Variants in DUSP16 observed in about 807,000 individuals in gnomAD.
The protein encoded by DUSP16 is dual specificity protein phosphatase 16.
Under a neutral mutation model 58.3 loss-of-function variants are expected in DUSP16, and 21 were observed. The ratio of observed to expected loss-of-function variants is 0.36; its 90% CI spans 0.26 to 0.52. The LOEUF (loss-of-function observed/expected upper bound fraction) is 0.52. Among genes scored for constraint, DUSP16 ranks in the 20% least tolerant of loss-of-function variants. DUSP16 has a pLI of 0.94. For missense variants in DUSP16, 726 were observed against 819.0 expected, an observed-to-expected ratio of 0.89 and a Z score of 1.39; for synonymous variants, 320 against 323.8, an observed-to-expected ratio of 0.99 and a Z score of 0.12.
intron 1 of DUSP16, among the ~76,000 whole-genome samples, chr12:12,532,710 G>A (rs1218112869): frequency 6.6e-6 from 1 of 152,120 alleles, no homozygotes; most frequent in Admixed American, 6.5e-5. Context: ...CACTTTGGGA[G>A]GCCAAGGCGG....
At chr12:12,541,617 A>G (rs1592205850) in intron 1 of DUSP16, among the ~76,000 whole-genome samples, 1 of 152,366 alleles carries the variant, frequency 6.6e-6, no homozygotes, top group East Asian at 1.9e-4. Flanking sequence ...TTCAGCTGAC[A>G]GCCCACTTCA....
At position 12,500,802 on chromosome 12, in the gene DUSP16, T is replaced by C. The variant is rs895785411; in HGVS notation, c.368-120A>G. On this transcript the variant is annotated intron_variant, in intron 3 of 6. Transcript: ENST00000298573. ...ATCCAAGTGGATATCACTGCACACC[T>C]ATTCCTGGCTACAGCTGCTGATGCT... 2.3e-6 allele frequency: 2 copies of C among 860,280 alleles called. 1 individual carries two copies. Among genetic ancestry groups the C allele is most frequent in the South Asian group, 5.1e-5 (2 of 39,456 alleles). 53.3% of individuals were successfully genotyped at this position (860,280 alleles called of 1,614,324 possible). A position where few individuals can be genotyped will look rare whatever the true frequency, so the allele number is the denominator to read the frequency against.
At position 12,520,018 on chromosome 12, in the gene DUSP16, G is replaced by T; in HGVS notation, c.229-18C>A. The T allele has an allele frequency of 6.2e-7, 1 of 1,613,792 alleles. No individual in the cohort carries two copies. The highest frequency in any genetic ancestry group is 1.1e-5 in the South Asian group (1 of 91,062). On this transcript the variant is annotated intron_variant, in intron 2 of 6. Transcript: ENST00000298573. ...ATGTCAACCTGAAATGCAAACATGAGGCTTGTTAGGAAGAAGGTGAGAAAA... is the reference window on the plus strand; with the variant it reads ...ATGTCAACCTGAAATGCAAACATGATGCTTGTTAGGAAGAAGGTGAGAAAA...
chr12:12,531,743 G>T (rs1944388822), intron 1 of DUSP16, among the ~76,000 whole-genome samples: 1 of 151,996 alleles, frequency 6.6e-6, no homozygotes, highest in Non-Finnish European at 1.5e-5. Flanking sequence ...TGGTGGCATG[G>T]GCCTGTAATC....
intron 1 of DUSP16, among the ~76,000 whole-genome samples, chr12:12,557,943 G>T (rs74945783): frequency 0.062 from 9,469 of 152,144 alleles, 437 homozygotes; most frequent in East Asian, 0.21. Flanking sequence ...CCATACACAT[G>T]TTAACCAATC....
chr12:12,533,690 G>A (rs1025458572), intron 1 of DUSP16, among the ~76,000 whole-genome samples: 1 of 152,184 alleles, frequency 6.6e-6, no homozygotes, highest in African/African-American at 2.4e-5. Flanking sequence ...ACTAACCCTA[G>A]GAATTTAGAG....
intron 3 of DUSP16, among the ~76,000 whole-genome samples, chr12:12,517,747 AAC>A (rs1277329389): frequency 1.3e-5 from 2 of 152,246 alleles, no homozygotes; most frequent in African/African-American, 4.8e-5. Flanking sequence ...AGCTAATAGA[AAC>A]ACAGGATTCT....
At chr12:12,550,229 C>T (rs1265428918) in intron 1 of DUSP16, among the ~76,000 whole-genome samples, 8 of 150,510 alleles carry the variant, frequency 5.3e-5, no homozygotes, top group South Asian at 4.2e-4. Context: ...GCCAAGACGG[C>T]GCCATTGCCC....
intron 1 of DUSP16, among the ~76,000 whole-genome samples, chr12:12,543,220 A>C (rs1159594129): frequency 6.6e-6 from 1 of 152,236 alleles, no homozygotes; most frequent in Non-Finnish European, 1.5e-5. Context: ...GAAGTATTAA[A>C]TCAATGTCAG....
At chr12:12,505,510 T>C (rs1943980327) in intron 3 of DUSP16, among the ~76,000 whole-genome samples, 2 of 152,270 alleles carry the variant, frequency 1.3e-5, no homozygotes, top group Non-Finnish European at 2.9e-5. Context: ...GGTCACTGGT[T>C]TGTTCATGAC....
intron 1 of DUSP16, among the ~76,000 whole-genome samples, chr12:12,557,481 T>A (rs1944824045): frequency 6.6e-6 from 1 of 151,844 alleles, no homozygotes; most frequent in Non-Finnish European, 1.5e-5. Flanking sequence ...AAAATCTAAG[T>A]TTCCATGCTT....
intron 4 of DUSP16, among the ~76,000 whole-genome samples, chr12:12,497,279 A>G (rs1222312515): frequency 6.6e-6 from 1 of 152,228 alleles, no homozygotes; most frequent in Non-Finnish European, 1.5e-5. Flanking sequence ...TTTCTGTTGG[A>G]CGGTACTGGT....
chr12:12,542,392 A>G (rs1318969560), intron 1 of DUSP16, among the ~76,000 whole-genome samples: 4 of 112,156 alleles, frequency 3.6e-5, no homozygotes, highest in African/African-American at 1.3e-4. Flanking sequence ...AAAAGAGAAA[A>G]AAAAAAAAAA....
In DUSP16 at chr12:12,519,852, C is replaced by G. The variant is rs775405899; in HGVS notation, c.367+10G>C. 2.3e-5 allele frequency: 37 copies of G among 1,613,698 alleles called. No individual in the cohort carries two copies. The highest frequency in any genetic ancestry group is 6.6e-5 in the South Asian group (6 of 91,078). ...ATTCTGAGTCCTTTTAATTCCATCA[C>G]GAGCCTTACCTGCAAGCAGGTGAAC... On this transcript the variant is annotated intron_variant, in intron 3 of 6. Coordinates refer to ENST00000298573, the MANE Select transcript of DUSP16 (RefSeq NM_030640.3).
intron 3 of DUSP16, among the ~76,000 whole-genome samples, chr12:12,515,919 G>GGGTGCACCACCA (rs1944144542): frequency 3.3e-5 from 5 of 151,824 alleles, no homozygotes; most frequent in African/African-American, 1.2e-4. Flanking sequence ...GAGACTACAG[G>GGGTGCACCACCA]CAGATGCCAC....
chr12:12,518,879 G>T (rs1410258782), intron 3 of DUSP16, among the ~76,000 whole-genome samples: 1 of 152,200 alleles, frequency 6.6e-6, no homozygotes, highest in Admixed American at 6.5e-5. Context: ...GAGAACTGAG[G>T]AAAAGCTTGT....
intron 1 of DUSP16, among the ~76,000 whole-genome samples, chr12:12,531,813 G>T (rs901733519): frequency 4.6e-5 from 7 of 151,768 alleles, no homozygotes; most frequent in African/African-American, 1.7e-4. Context: ...GGACACTGCA[G>T]TGAGCCGAGA....
intron 1 of DUSP16, among the ~76,000 whole-genome samples, chr12:12,527,047 G>A (rs1273223302): frequency 6.6e-6 from 1 of 152,164 alleles, no homozygotes; most frequent in Non-Finnish European, 1.5e-5. Flanking sequence ...GCTATGGGGT[G>A]CTTAACAGGC....
intron 1 of DUSP16, among the ~76,000 whole-genome samples, chr12:12,529,958 T>G (rs187830104): frequency 1.0e-3 from 152 of 152,370 alleles, no homozygotes; most frequent in African/African-American, 3.6e-3. Context: ...TTAGGTTGAT[T>G]CCTTATCTTG....
Sources: allele counts gnomAD v4.1 joint callset (sites outside exome capture counted in the v4.1 genomes callset), GRCh38; gene constraint gnomAD v4.1.1; transcripts MANE v1.5; gene names NCBI Gene and HGNC (gene_info 2026-07-23, HGNC 2026-07-21).